Variants in TAFA4 observed in about 807,000 individuals in gnomAD.
TAFA4 encodes the protein TAFA chemokine like family member 4.
TAFA4 carries 20 observed loss-of-function variants against 21.1 expected under a neutral mutation model. That is an observed-to-expected ratio of 0.95 (90% CI 0.67 to 1.38). TAFA4 has a LOEUF of 1.38. Ranked by LOEUF, TAFA4 falls within the 40% of genes most tolerant of loss-of-function variation. The pLI is 0.00. For synonymous variants in TAFA4, 71 were observed against 67.4 expected (o/e 1.05, Z -0.26); for missense variants, 211 against 180.9 (o/e 1.17, Z -0.95).
intron 3 of TAFA4, among the ~76,000 whole-genome samples, chr3:68,872,147 C>T (rs996771891): frequency 6.6e-6 from 1 of 151,962 alleles, no homozygotes; most frequent in Admixed American, 6.6e-5. Flanking sequence ...ATGGGAACAA[C>T]GTAAGTGTCC....
chr3:68,772,358 A>T (rs901957141), intron 3 of TAFA4, among the ~76,000 whole-genome samples: 1 of 152,176 alleles, frequency 6.6e-6, no homozygotes, highest in African/African-American at 2.4e-5. Flanking sequence ...TTCCAGAGGG[A>T]CCTGGCATGT....
At chr3:68,805,272 T>G (rs1272344221) in intron 3 of TAFA4, among the ~76,000 whole-genome samples, 2 of 152,136 alleles carry the variant, frequency 1.3e-5, no homozygotes, top group East Asian at 1.9e-4. Flanking sequence ...TCACACCAGT[T>G]AGAATGGCGA....
At chr3:68,747,580 G>T (rs1287387446) in intron 4 of TAFA4, among the ~76,000 whole-genome samples, 1 of 152,026 alleles carries the variant, frequency 6.6e-6, no homozygotes, top group Non-Finnish European at 1.5e-5. Flanking sequence ...AACCTCTTTT[G>T]CTTTATAAAT....
chr3:68,831,339 C>A (rs1172301465), intron 3 of TAFA4, among the ~76,000 whole-genome samples: 1 of 152,136 alleles, frequency 6.6e-6, no homozygotes, highest in Non-Finnish European at 1.5e-5. Context: ...TGTCCCTTTC[C>A]ATGTTTAGTG....
intron 3 of TAFA4, among the ~76,000 whole-genome samples, chr3:68,856,493 T>C (rs13079040): frequency 0.23 from 35,543 of 151,940 alleles, 5,101 homozygotes; most frequent in East Asian, 0.68. Flanking sequence ...TCCAGAGTCT[T>C]TCAGTCTTCA....
intron 3 of TAFA4, among the ~76,000 whole-genome samples, chr3:68,862,067 G>A (rs533319999): frequency 6.6e-6 from 1 of 151,688 alleles, no homozygotes; most frequent in East Asian, 2.0e-4. Context: ...TGAACTTGAG[G>A]TTATGACAGG....
intron 3 of TAFA4, among the ~76,000 whole-genome samples, chr3:68,797,452 A>T (rs1703474531): frequency 6.6e-6 from 1 of 151,972 alleles, no homozygotes; most frequent in Non-Finnish European, 1.5e-5. Context: ...TCTCAACTAA[A>T]AATACAAAAA....
rs374668863 is a variant in TAFA4, at chr3:68,764,022, T to C, written c.131-11004A>G. Reference sequence around the variant, plus strand: ...TAGTGAACCTAATCCACTTATATTTTGTAAATATTCCATCAAACTGTGTTA... The same window carrying C: ...TAGTGAACCTAATCCACTTATATTTCGTAAATATTCCATCAAACTGTGTTA... On this transcript the variant is annotated intron_variant, in intron 3 of 5. Coordinates refer to ENST00000295569, the MANE Select transcript of TAFA4 (RefSeq NM_182522.5). Among the ~76,000 whole-genome samples the C allele has an allele frequency of 2.6e-5, 4 of 152,196 alleles. No individual in the cohort carries two copies. In the East Asian group the frequency reaches 5.8e-4, roughly 22 times the overall value.
In TAFA4 at chr3:68,752,981, G is replaced by A. The variant is rs201978822; in HGVS notation, c.168C>T (p.Val56=). 7.4e-6 allele frequency: 12 copies of A among 1,613,610 alleles called. No homozygotes were observed. Among genetic ancestry groups the A allele is most frequent in the Non-Finnish European group, 8.5e-6 (10 of 1,179,954 alleles). The change falls in exon 4 of 6, where the codon GTC becomes GTT. Residue 56 remains valine (V), a synonymous_variant. Transcript: ENST00000295569. ...TCTTATTGCAGCACCTGTGCACGGCGACCACCTCACAGGTCCCTTGCTTGA... is the reference window on the plus strand; with the variant it reads ...TCTTATTGCAGCACCTGTGCACGGCAACCACCTCACAGGTCCCTTGCTTGA... ...HQIKQGTCEV[V]AVHRCCNKNR...
chr3:68,749,783 A>G (rs1050146570), intron 4 of TAFA4, among the ~76,000 whole-genome samples: 4 of 152,218 alleles, frequency 2.6e-5, no homozygotes, highest in Non-Finnish European at 4.4e-5. Context: ...TGTTTACATC[A>G]AGCATAACCT....
intron 1 of TAFA4, among the ~76,000 whole-genome samples, chr3:68,897,727 G>A (rs2089806366): frequency 1.3e-5 from 2 of 152,074 alleles, no homozygotes. Flanking sequence ...ACAAATAAAT[G>A]AATATATCAA....
chr3:68,824,469 C>A (rs1474259770), intron 3 of TAFA4, among the ~76,000 whole-genome samples: 1 of 152,174 alleles, frequency 6.6e-6, no homozygotes, highest in Non-Finnish European at 1.5e-5. Context: ...CTGATTCCAC[C>A]TCTCCTGCCT....
chr3:68,915,224 C>G (rs539373956), intron 1 of TAFA4, among the ~76,000 whole-genome samples: 21 of 152,274 alleles, frequency 1.4e-4, no homozygotes, highest in African/African-American at 4.8e-4. Context: ...CAGTGAGTGT[C>G]TAAGCTCTGA....
In TAFA4 at chr3:68,766,542, A is replaced by T. The variant is rs1268972015; in HGVS notation, c.131-13524T>A. Among the ~76,000 whole-genome samples, 7 of 132,652 alleles carry T rather than the reference A, an allele frequency of 5.3e-5. No individual in the cohort carries two copies. In the East Asian group the frequency reaches 1.4e-3, roughly 26 times the overall value. The allele number at this position is 132,652 out of a possible 152,430, so 87.0% of individuals were successfully genotyped here. A position where few individuals can be genotyped will look rare whatever the true frequency, so the allele number is the denominator to read the frequency against. Reference sequence around the variant, plus strand: ...TTAAATTTTTTAATAGCTAAAATCAATTTTTCCTAAAAAAAAAACTCAGAA... The same window carrying T: ...TTAAATTTTTTAATAGCTAAAATCATTTTTTCCTAAAAAAAAAACTCAGAA... On this transcript the variant is annotated intron_variant, in intron 3 of 5. Transcript: ENST00000295569.
intron 3 of TAFA4, among the ~76,000 whole-genome samples, chr3:68,832,036 T>C (rs1192652131): frequency 1.3e-5 from 2 of 152,064 alleles, no homozygotes; most frequent in Non-Finnish European, 2.9e-5. Context: ...CATCAGGTCA[T>C]TTAAGCTCTT....
At chr3:68,904,208 A>G (rs897049951) in intron 1 of TAFA4, among the ~76,000 whole-genome samples, 6 of 152,216 alleles carry the variant, frequency 3.9e-5, no homozygotes, top group African/African-American at 1.4e-4. Flanking sequence ...CAGAAAGCCT[A>G]TTTCAAAGCA....
At chr3:68,857,582 A>T (rs1559544997) in intron 3 of TAFA4, among the ~76,000 whole-genome samples, 1 of 152,168 alleles carries the variant, frequency 6.6e-6, no homozygotes, top group Non-Finnish European at 1.5e-5. Context: ...ATCTAAAGAT[A>T]CATGTATAAA....
At chr3:68,749,932 A>T (rs114096624) in intron 4 of TAFA4, among the ~76,000 whole-genome samples, 292 of 152,260 alleles carry the variant, frequency 1.9e-3, no homozygotes, top group African/African-American at 6.5e-3. Context: ...ACATATAGAT[A>T]TCTATCTACA....
chr3:68,801,682 T>G (rs1703582064), intron 3 of TAFA4, among the ~76,000 whole-genome samples: 1 of 152,192 alleles, frequency 6.6e-6, no homozygotes, highest in Admixed American at 6.5e-5. Flanking sequence ...ACAGTAAATA[T>G]TTTAGGCTTT....
Sources: gnomAD v4.1 joint callset for allele counts (sites outside exome capture counted in the v4.1 genomes callset) on GRCh38, gnomAD v4.1.1 for gene constraint, MANE v1.5 for transcripts, NCBI Gene and HGNC (gene_info 2026-07-23, HGNC 2026-07-21) for gene names.